The following CHD6 variants were observed in gnomAD, a reference collection of about 807,000 sequenced individuals.
CHD6 encodes the protein chromodomain helicase DNA binding protein 6, also known as ATP-dependent chromatin remodeler CHD6.
In CHD6, 50 loss-of-function variants were observed where a neutral mutation model predicts 276.9. The ratio of observed to expected loss-of-function variants is 0.18; its 90% CI spans 0.14 to 0.23. The LOEUF (loss-of-function observed/expected upper bound fraction) is 0.23. Ranked by LOEUF, CHD6 falls within the 10% of genes least tolerant of loss-of-function variation. The pLI, the probability that CHD6 is intolerant of heterozygous loss-of-function variation, is 1.00. For synonymous variants in CHD6, 1,173 were observed against 1,229.3 expected, an observed-to-expected ratio of 0.95 and a Z score of 0.96; for missense variants, 2,564 against 3,365.8, an observed-to-expected ratio of 0.76 and a Z score of 5.89.
chr20:41,610,456 T>G (rs2045874882), intron 1 of CHD6, among the ~76,000 whole-genome samples: 1 of 152,090 alleles, frequency 6.6e-6, no homozygotes, highest in African/African-American at 2.4e-5. Flanking sequence ...AAAAACAAGA[T>G]TCCCTTCATA....
chr20:41,563,356 A>G (rs2045322577), intron 1 of CHD6, among the ~76,000 whole-genome samples: 1 of 152,242 alleles, frequency 6.6e-6, no homozygotes, highest in Admixed American at 6.5e-5. Context: ...AACTTGAAGC[A>G]GTATCCTATG....
intron 17 of CHD6, among the ~76,000 whole-genome samples, chr20:41,472,497 G>C (rs1329105006): frequency 6.6e-6 from 1 of 152,140 alleles, no homozygotes; most frequent in South Asian, 2.1e-4. Flanking sequence ...CCTAGTGTTA[G>C]TAAATATCTC....
At chr20:41,592,071 C>T (rs1321499426) in intron 1 of CHD6, among the ~76,000 whole-genome samples, 1 of 152,138 alleles carries the variant, frequency 6.6e-6, no homozygotes, top group East Asian at 1.9e-4. Flanking sequence ...TGCACTCCAG[C>T]CTGGGCGACA....
intron 27 of CHD6, among the ~76,000 whole-genome samples, chr20:41,426,762 A>G (rs1422552644): frequency 1.3e-5 from 2 of 152,206 alleles, no homozygotes; most frequent in African/African-American, 4.8e-5. Context: ...AAGTCGGTGT[A>G]TGTGTCAAAC....
At chr20:41,467,547 G>A (rs2042950412) in intron 17 of CHD6, among the ~76,000 whole-genome samples, 1 of 108,600 alleles carries the variant, frequency 9.2e-6, no homozygotes, top group Non-Finnish European at 1.8e-5. Flanking sequence ...AATGAATAAC[G>A]ACGTTCTGAC....
intron 22 of CHD6, 75 bp from the exon 23 acceptor site, chr20:41,451,180 C>A: frequency 7.4e-7 from 1 of 1,357,320 alleles, no homozygotes; most frequent in Non-Finnish European, 1.0e-6. Context: ...AAGAGCTGGG[C>A]TGGGGTTTGT....
At chr20:41,515,049 G>A in intron 3 of CHD6, 97 bp from the exon 4 acceptor site, 2 of 1,317,928 alleles carry the variant, frequency 1.5e-6, no homozygotes, top group Non-Finnish European at 2.1e-6. Context: ...TGGAATTCTA[G>A]GACCAGGGCA....
intron 16 of CHD6, among the ~76,000 whole-genome samples, chr20:41,479,162 A>G (rs1425247383): frequency 6.6e-6 from 1 of 152,128 alleles, no homozygotes. Flanking sequence ...AAGGGTTTTT[A>G]AAAAAACAGA....
chr20:41,430,854 A>ATTTTTTTTTTTTTTTTTTTT, intron 27 of CHD6, among the ~76,000 whole-genome samples: 1 of 127,606 alleles, frequency 7.8e-6, no homozygotes, highest in Non-Finnish European at 1.6e-5. Flanking sequence ...CAGAACATGA[A>ATTTTTTTTTTTTTTTTTTTT]TTTTTTTTTT....
chr20:41,433,633 AAAC>A (rs1415393206), intron 27 of CHD6, among the ~76,000 whole-genome samples: 3 of 152,294 alleles, frequency 2.0e-5, no homozygotes, highest in Non-Finnish European at 4.4e-5. Flanking sequence ...AAAAGAAAGA[AAAC>A]AATAAAAGAA....
At chr20:41,558,419 T>C (rs915618098) in intron 1 of CHD6, among the ~76,000 whole-genome samples, 2 of 152,170 alleles carry the variant, frequency 1.3e-5, no homozygotes, top group African/African-American at 4.8e-5. Flanking sequence ...AGGCAGCTAT[T>C]TGTGCTACCT....
At chr20:41,556,059 G>A (rs1264996756) in intron 1 of CHD6, among the ~76,000 whole-genome samples, 7 of 152,198 alleles carry the variant, frequency 4.6e-5, no homozygotes, top group East Asian at 1.9e-4. Flanking sequence ...AGACCAGCCC[G>A]GCCAACACAG....
At position 41,421,393 on chromosome 20, in the gene CHD6, C is replaced by G; in HGVS notation, c.5242G>C (p.Gly1748Arg). ...GAAGCTATTTCTGCCTCAGGGCCAC[C>G]AGACTGGCAGTTCCCATCTTTGCTT... is the stretch of plus-strand genomic sequence containing the variant. ...SISKDGNCQS[G>R]GPEAEIASGP... is the part of the protein sequence containing the mutation. Residue 1748 changes from glycine (G) to arginine (R), a missense_variant, in exon 31 of 37, where the codon GGT becomes CGT. Gly to Arg is a moderately radical substitution (Grantham distance 125). Transcript: ENST00000373233. The G allele has an allele frequency of 6.2e-7, 1 of 1,614,154 alleles. No individual in the cohort carries two copies. The highest frequency in any genetic ancestry group is 8.5e-7 in the Non-Finnish European group (1 of 1,180,000).
chr20:41,406,712 C>A (rs6124343), intron 36 of CHD6, among the ~76,000 whole-genome samples: 1 of 152,226 alleles, frequency 6.6e-6, no homozygotes, highest in Non-Finnish European at 1.5e-5. Context: ...GACTTAGTGC[C>A]GCAGTCCCTG....
chr20:41,422,602 G>A (rs998819736), intron 30 of CHD6, among the ~76,000 whole-genome samples: 6 of 152,176 alleles, frequency 3.9e-5, no homozygotes, highest in Non-Finnish European at 5.9e-5. Flanking sequence ...CTGTGATCAT[G>A]TCACTGTACT....
intron 10 of CHD6, among the ~76,000 whole-genome samples, 157 bp from the exon 11 acceptor site, chr20:41,491,976 T>C (rs1379097323): frequency 1.3e-5 from 2 of 152,152 alleles, no homozygotes; most frequent in Non-Finnish European, 2.9e-5. Flanking sequence ...GGGAACTAAG[T>C]AGGAGTCAGG....
intron 15 of CHD6, 44 bp from the exon 16 acceptor site, chr20:41,483,563 G>C: frequency 1.4e-6 from 2 of 1,413,260 alleles, no homozygotes; most frequent in South Asian, 2.6e-5. Flanking sequence ...CAGAATATAA[G>C]GATAAAGGTT....
At chr20:41,523,282 C>T (rs1418834923) in intron 3 of CHD6, among the ~76,000 whole-genome samples, 2 of 152,148 alleles carry the variant, frequency 1.3e-5, no homozygotes, top group Non-Finnish European at 2.9e-5. Flanking sequence ...CAATTAATGG[C>T]ACAGGAGCTT....
chr20:41,415,932 T>C (rs2046981763), intron 33 of CHD6, among the ~76,000 whole-genome samples: 6 of 152,176 alleles, frequency 3.9e-5, no homozygotes, highest in Admixed American at 2.6e-4. Context: ...AACTCAGAAA[T>C]GCTCAACCTC....
Sources: gnomAD v4.1 joint callset for allele counts (sites outside exome capture counted in the v4.1 genomes callset) on GRCh38, gnomAD v4.1.1 for gene constraint, MANE v1.5 for transcripts, NCBI Gene and HGNC (gene_info 2026-07-23, HGNC 2026-07-21) for gene names.